PARVA: variants seen among roughly 807,000 people sequenced by gnomAD.
PARVA encodes alpha-parvin.
Under a neutral mutation model 52.6 loss-of-function variants are expected in PARVA, and 25 were observed. The ratio of observed to expected loss-of-function variants is 0.48; its 90% CI spans 0.35 to 0.66. The LOEUF (loss-of-function observed/expected upper bound fraction) is 0.66. Ranked by LOEUF, PARVA falls within the 30% of genes least tolerant of loss-of-function variation. PARVA has a pLI of 0.01. For missense variants in PARVA, 373 were observed against 450.9 expected, an observed-to-expected ratio of 0.83 and a Z score of 1.56; for synonymous variants, 185 against 179.1, an observed-to-expected ratio of 1.03 and a Z score of -0.26.
At chr11:12,461,676 C>T (rs553463343) in intron 1 of PARVA, among the ~76,000 whole-genome samples, 4 of 152,294 alleles carry the variant, frequency 2.6e-5, no homozygotes, top group South Asian at 4.1e-4. Context: ...GGAGGACAGC[C>T]GCATCACATG....
intron 1 of PARVA, among the ~76,000 whole-genome samples, chr11:12,423,355 T>TTG (rs1940181003): frequency 6.7e-6 from 1 of 149,072 alleles, no homozygotes; most frequent in African/African-American, 2.5e-5. Flanking sequence ...ATTTTTGTTT[T>TTG]TTTTTTTTTT....
intron 1 of PARVA, among the ~76,000 whole-genome samples, chr11:12,462,401 C>G (rs1018131054): frequency 6.6e-6 from 1 of 152,078 alleles, no homozygotes; most frequent in Non-Finnish European, 1.5e-5. Context: ...GCCTTGCCCC[C>G]ACTGCTGGCT....
intron 12 of PARVA, among the ~76,000 whole-genome samples, chr11:12,523,035 C>G (rs563011845): frequency 1.3e-5 from 2 of 152,040 alleles, no homozygotes; most frequent in Non-Finnish European, 2.9e-5. Flanking sequence ...GGCAGGAGTT[C>G]ATTTTCAAAT....
chr11:12,384,283 A>C (rs1939539482), intron 1 of PARVA, among the ~76,000 whole-genome samples: 1 of 152,180 alleles, frequency 6.6e-6, no homozygotes, highest in African/African-American at 2.4e-5. Context: ...TGAAAGAGTT[A>C]TCTCTACCTG....
At chr11:12,425,300 C>T (rs1217958545) in intron 1 of PARVA, among the ~76,000 whole-genome samples, 1 of 152,202 alleles carries the variant, frequency 6.6e-6, no homozygotes, top group Non-Finnish European at 1.5e-5. Flanking sequence ...AGGCAACATG[C>T]TGGAGGATAA....
At chr11:12,409,880 A>G (rs556783619) in intron 1 of PARVA, among the ~76,000 whole-genome samples, 1 of 152,352 alleles carries the variant, frequency 6.6e-6, no homozygotes, top group South Asian at 2.1e-4. Context: ...ACATTCCAGT[A>G]TTACCCTTGA....
In PARVA at chr11:12,459,166, C is replaced by T. The variant is rs559397780; in HGVS notation, c.137-14579C>T. Among the ~76,000 whole-genome samples the T allele has an allele frequency of 9.2e-5, 14 of 152,180 alleles. No individual in the cohort carries two copies. The South Asian group carries it at 2.9e-3, about 32-fold the overall frequency. ...TGCCAGCTGGGCATGGTGGCTTGAG[C>T]CTGTAATCCCAGCATTTTTGGGCCC... On this transcript the variant is annotated intron_variant, in intron 1 of 12. Coordinates refer to ENST00000334956, the MANE Select transcript of PARVA (RefSeq NM_018222.5).
At chr11:12,381,447 C>T (rs1053418171) in intron 1 of PARVA, among the ~76,000 whole-genome samples, 4 of 152,190 alleles carry the variant, frequency 2.6e-5, no homozygotes, top group Non-Finnish European at 4.4e-5. Context: ...CCCATTCATT[C>T]ATTTGGTACC....
At chr11:12,458,486 C>T (rs1185096735) in intron 1 of PARVA, among the ~76,000 whole-genome samples, 1 of 152,252 alleles carries the variant, frequency 6.6e-6, no homozygotes, top group Non-Finnish European at 1.5e-5. Flanking sequence ...ATATGAGGAA[C>T]AGGATTCTGC....
intron 4 of PARVA, 126 bp downstream of exon 4, chr11:12,478,075 G>A (rs908654034): frequency 1.3e-6 from 1 of 750,454 alleles, no homozygotes; most frequent in Non-Finnish European, 2.5e-6. Context: ...CAAATGTGTG[G>A]AGCATGGAAT....
At chr11:12,405,064 A>G (rs56320265) in intron 1 of PARVA, among the ~76,000 whole-genome samples, 12,735 of 152,228 alleles carry the variant, frequency 0.084, 617 homozygotes, top group African/African-American at 0.14. Flanking sequence ...CCTCATTTAT[A>G]AAACAGATAA....
intron 4 of PARVA, among the ~76,000 whole-genome samples, chr11:12,495,535 C>A (rs1470080312): frequency 6.6e-6 from 1 of 151,990 alleles, no homozygotes; most frequent in African/African-American, 2.4e-5. Flanking sequence ...AACCAATTTC[C>A]TGTTAAGGAG....
At chr11:12,517,578 G>A in intron 10 of PARVA, 32 bp from the exon 11 acceptor site, 1 of 1,483,382 alleles carries the variant, frequency 6.7e-7, no homozygotes, top group East Asian at 2.4e-5. Context: ...GGAGGCTCAG[G>A]GGCCAGTGCC....
chr11:12,469,098 A>G (rs1940895357), intron 1 of PARVA, among the ~76,000 whole-genome samples: 1 of 152,186 alleles, frequency 6.6e-6, no homozygotes. Context: ...CAAACCACCA[A>G]TGTCAGCTAT....
chr11:12,465,392 CT>C (rs1940841957), intron 1 of PARVA, among the ~76,000 whole-genome samples: 1 of 151,984 alleles, frequency 6.6e-6, no homozygotes, highest in South Asian at 2.1e-4. Flanking sequence ...TATTTTTTTT[CT>C]TTATAAGTTA....
At chr11:12,439,749 C>T (rs115454477) in intron 1 of PARVA, among the ~76,000 whole-genome samples, 35 of 152,300 alleles carry the variant, frequency 2.3e-4, no homozygotes, top group Admixed American at 9.8e-4. Context: ...CCCCAGCTGC[C>T]CTGGCCTTCT....
At chr11:12,403,559 A>G (rs903182999) in intron 1 of PARVA, among the ~76,000 whole-genome samples, 1 of 152,238 alleles carries the variant, frequency 6.6e-6, no homozygotes, top group Non-Finnish European at 1.5e-5. Context: ...TTATGAGGAG[A>G]AACTGACATT....
intron 1 of PARVA, among the ~76,000 whole-genome samples, chr11:12,420,317 T>C (rs943235493): frequency 6.6e-6 from 1 of 152,204 alleles, no homozygotes; most frequent in African/African-American, 2.4e-5. Context: ...GATCAAATTA[T>C]TGTGTGTTTA....
At chr11:12,416,291 G>A (rs1444580698) in intron 1 of PARVA, among the ~76,000 whole-genome samples, 2 of 152,026 alleles carry the variant, frequency 1.3e-5, no homozygotes, top group African/African-American at 4.8e-5. Context: ...AGAAAGCAGA[G>A]TCTACACATC....
Sources: gnomAD v4.1 joint callset for allele counts (sites outside exome capture counted in the v4.1 genomes callset) on GRCh38, gnomAD v4.1.1 for gene constraint, MANE v1.5 for transcripts, NCBI Gene and HGNC (gene_info 2026-07-23, HGNC 2026-07-21) for gene names.